Variants in BBS9 observed in about 807,000 individuals in gnomAD.
BBS9 encodes Bardet-Biedl syndrome 9.
A neutral mutation model predicts 117.7 loss-of-function variants in BBS9; 89 were observed. The ratio of observed to expected loss-of-function variants is 0.76; its 90% CI spans 0.64 to 0.90. The LOEUF is 0.90. BBS9 is among the 40% of genes least tolerant of loss of function. BBS9 has a pLI of 0.00. For synonymous variants in BBS9, 379 were observed against 370.9 expected (o/e 1.02, Z -0.25); for missense variants, 982 against 1,042.2 (o/e 0.94, Z 0.80).
intron 19 of BBS9, among the ~76,000 whole-genome samples, chr7:33,409,695 T>C (rs1161685315): frequency 6.6e-6 from 1 of 152,232 alleles, no homozygotes; most frequent in African/African-American, 2.4e-5. Context: ...TTTTAAAAAT[T>C]ATAGTCATTC....
At chr7:33,460,791 A>G (rs1839350183) in intron 19 of BBS9, among the ~76,000 whole-genome samples, 1 of 151,882 alleles carries the variant, frequency 6.6e-6, no homozygotes, top group Non-Finnish European at 1.5e-5. Context: ...TTGACATTTA[A>G]TGCATTCACA....
At chr7:33,500,837 A>G (rs1480640841) in intron 19 of BBS9, among the ~76,000 whole-genome samples, 1 of 152,092 alleles carries the variant, frequency 6.6e-6, no homozygotes, top group African/African-American at 2.4e-5. Context: ...TTTCACACTC[A>G]CTTTATGAGT....
intron 19 of BBS9, among the ~76,000 whole-genome samples, chr7:33,437,830 C>T (rs1478137029): frequency 6.6e-6 from 1 of 152,132 alleles, no homozygotes; most frequent in Admixed American, 6.5e-5. Flanking sequence ...GAGCCAAGAT[C>T]CTGCCACTGC....
intron 4 of BBS9, among the ~76,000 whole-genome samples, chr7:33,160,664 A>G (rs1041582792): frequency 5.3e-5 from 8 of 152,264 alleles, no homozygotes; most frequent in Middle Eastern, 3.4e-3. Flanking sequence ...AAGGTTGCCA[A>G]TGGGTGTACA....
At chr7:33,210,406 G>T (rs1787786436) in intron 5 of BBS9, among the ~76,000 whole-genome samples, 1 of 152,172 alleles carries the variant, frequency 6.6e-6, no homozygotes, top group African/African-American at 2.4e-5. Flanking sequence ...TCTCCATTTG[G>T]TCTATAGTGC....
At chr7:33,344,078 G>GTTTTTTTTTT (rs34530007) in intron 11 of BBS9, among the ~76,000 whole-genome samples, 2 of 67,466 alleles carry the variant, frequency 3.0e-5, no homozygotes, top group African/African-American at 6.6e-5. Flanking sequence ...TAGGGGATGA[G>GTTTTTTTTTT]TTTTTTTTTT....
In BBS9 at chr7:33,231,695, G is replaced by A. The variant is rs1201311432; in HGVS notation, c.443-25541G>A. On this transcript the variant is annotated intron_variant, in intron 5 of 22. Transcript: ENST00000242067. ...GGTAATTTAGATGCTTGGGAAATCC[G>A]AATTAGAGTATCCTTCAAAAGAAAT... Among the ~76,000 whole-genome samples, 4 of 152,120 alleles carry A rather than the reference G, an allele frequency of 2.6e-5. No individual in the cohort carries two copies. In the South Asian group the frequency reaches 6.2e-4, roughly 24 times the overall value.
intron 17 of BBS9, among the ~76,000 whole-genome samples, chr7:33,370,532 T>C (rs923460713): frequency 3.3e-5 from 5 of 152,190 alleles, no homozygotes; most frequent in African/African-American, 1.2e-4. Context: ...AAAACTGTTA[T>C]CACAGTCCTA....
At chr7:33,526,262 G>A (rs1456363140) in intron 20 of BBS9, among the ~76,000 whole-genome samples, 9 of 152,158 alleles carry the variant, frequency 5.9e-5, no homozygotes, top group Middle Eastern at 3.4e-3. Context: ...TCTTTGTGGC[G>A]TTCTCTGTAT....
intron 19 of BBS9, among the ~76,000 whole-genome samples, chr7:33,452,899 A>G (rs1014216787): frequency 6.6e-6 from 1 of 152,232 alleles, no homozygotes; most frequent in Non-Finnish European, 1.5e-5. Flanking sequence ...TTCTGGCTGA[A>G]TAAATTTATA....
intron 4 of BBS9, among the ~76,000 whole-genome samples, chr7:33,163,781 G>T (rs1372107163): frequency 3.9e-5 from 6 of 152,124 alleles, no homozygotes; most frequent in Non-Finnish European, 7.4e-5. Context: ...CAAAAAACCA[G>T]CTCCTGGATT....
chr7:33,574,057 C>G (rs1167593724), intron 21 of BBS9, among the ~76,000 whole-genome samples: 2 of 152,146 alleles, frequency 1.3e-5, no homozygotes, highest in African/African-American at 4.8e-5. Flanking sequence ...CCAGTGCCCA[C>G]AGGCTTACCT....
intron 19 of BBS9, among the ~76,000 whole-genome samples, chr7:33,441,840 A>T (rs1412261522): frequency 6.6e-6 from 1 of 152,082 alleles, no homozygotes; most frequent in African/African-American, 2.4e-5. Context: ...AGGTTATCTC[A>T]AAGATTGCCC....
intron 19 of BBS9, among the ~76,000 whole-genome samples, chr7:33,397,785 T>C (rs1267400252): frequency 6.6e-6 from 1 of 152,072 alleles, no homozygotes; most frequent in African/African-American, 2.4e-5. Context: ...CATGGACACA[T>C]TGTGAGGGGA....
intron 9 of BBS9, among the ~76,000 whole-genome samples, chr7:33,317,032 T>G: frequency 6.6e-6 from 1 of 152,226 alleles, no homozygotes; most frequent in East Asian, 1.9e-4. Flanking sequence ...CATCTCAAAT[T>G]AATTTTTGTG....
chr7:33,237,990 T>G (rs1275348358), intron 5 of BBS9, among the ~76,000 whole-genome samples: 1 of 152,176 alleles, frequency 6.6e-6, no homozygotes, highest in African/African-American at 2.4e-5. Context: ...TCCTCAAGAA[T>G]AGAGAGCCAT....
At chr7:33,165,154 TC>T (rs1210423817) in intron 4 of BBS9, among the ~76,000 whole-genome samples, 4 of 152,162 alleles carry the variant, frequency 2.6e-5, no homozygotes, top group Non-Finnish European at 5.9e-5. Flanking sequence ...TTGAATATTG[TC>T]CCCCACTCTC....
chr7:33,308,616 A>G (rs918752160), intron 9 of BBS9, among the ~76,000 whole-genome samples: 1 of 152,200 alleles, frequency 6.6e-6, no homozygotes, highest in African/African-American at 2.4e-5. Flanking sequence ...GTATTTCCCT[A>G]CTGAACTTTG....
intron 21 of BBS9, among the ~76,000 whole-genome samples, chr7:33,631,524 A>T (rs1008643244): frequency 6.6e-6 from 1 of 152,118 alleles, no homozygotes; most frequent in Admixed American, 6.5e-5. Flanking sequence ...GTGGAGGAAC[A>T]TGTGTGTAGA....
Sources: allele counts gnomAD v4.1 joint callset (sites outside exome capture counted in the v4.1 genomes callset), GRCh38; gene constraint gnomAD v4.1.1; transcripts MANE v1.5; gene names NCBI Gene and HGNC (gene_info 2026-07-23, HGNC 2026-07-21).